Variants in TAOK1 observed in about 807,000 individuals in gnomAD.
TAOK1 encodes the protein serine/threonine-protein kinase TAO1.
Under a neutral mutation model 138.3 loss-of-function variants are expected in TAOK1, and 21 were observed. The ratio of observed to expected loss-of-function variants is 0.15; its 90% CI spans 0.11 to 0.22. The LOEUF (loss-of-function observed/expected upper bound fraction) is 0.22, where lower values mean the gene tolerates loss of function less well. Among genes scored for constraint, TAOK1 ranks in the 10% least tolerant of loss-of-function variants. The pLI is 1.00. For synonymous variants in TAOK1, 361 were observed against 398.4 expected, an observed-to-expected ratio of 0.91 and a Z score of 1.12; for missense variants, 651 against 1,227.7, an observed-to-expected ratio of 0.53 and a Z score of 7.02.
At chr17:29,406,331 C>T (rs1214226343) in intron 1 of TAOK1, among the ~76,000 whole-genome samples, 1 of 151,022 alleles carries the variant, frequency 6.6e-6, no homozygotes, top group African/African-American at 2.4e-5. Context: ...AGTAGTGACT[C>T]CTGAGGGAGT....
chr17:29,524,611 T>C (rs561374091), intron 17 of TAOK1, among the ~76,000 whole-genome samples: 1 of 152,368 alleles, frequency 6.6e-6, no homozygotes, highest in South Asian at 2.1e-4. Context: ...ATTTTCCTCA[T>C]ATTTAGGTGT....
intron 3 of TAOK1, among the ~76,000 whole-genome samples, chr17:29,470,302 T>C (rs2030783872): frequency 6.6e-6 from 1 of 152,214 alleles, no homozygotes; most frequent in Non-Finnish European, 1.5e-5. Context: ...TATTAGTGAA[T>C]AAGGCTCTTA....
intron 3 of TAOK1, among the ~76,000 whole-genome samples, chr17:29,472,819 G>T (rs932673342): frequency 2.0e-5 from 3 of 146,392 alleles, no homozygotes; most frequent in African/African-American, 7.6e-5. Context: ...CAGGTGATCC[G>T]CCCGCCTCGG....
intron 13 of TAOK1, among the ~76,000 whole-genome samples, chr17:29,504,226 G>A (rs1426799641): frequency 1.6e-5 from 2 of 128,558 alleles, no homozygotes; most frequent in South Asian, 2.6e-4. Context: ...GCAGTGAGCC[G>A]AGATCACGCC....
In TAOK1 at chr17:29,488,576, A is replaced by AATAAT. The variant is rs2031226559; in HGVS notation, c.656-1087_656-1086insTAATA. Among the ~76,000 whole-genome samples, 34 of 145,480 alleles carry AATAAT rather than the reference A, an allele frequency of 2.3e-4. 2 individuals carry two copies. The highest frequency in any genetic ancestry group is 1.6e-3 in the East Asian group (8 of 4,982). On this transcript the variant is annotated intron_variant, in intron 8 of 19. Transcript: ENST00000261716. The stretch of plus-strand genomic sequence containing the variant: ...AACAAGAGTGAAACCACATCTCAAA[A>AATAAT]AATAATAATAATAATAATAATAATA...
intron 12 of TAOK1, among the ~76,000 whole-genome samples, chr17:29,501,415 C>A (rs2031527056): frequency 1.5e-5 from 2 of 132,640 alleles, no homozygotes; most frequent in Admixed American, 1.6e-4. Context: ...AAAATGGAGA[C>A]CCTGTCTCAA....
intron 2 of TAOK1, among the ~76,000 whole-genome samples, chr17:29,460,514 A>G (rs2153025068): frequency 6.6e-6 from 1 of 152,312 alleles, no homozygotes; most frequent in South Asian, 2.1e-4. Flanking sequence ...TTTGACAAGT[A>G]TGACTGAAGT....
intron 1 of TAOK1, among the ~76,000 whole-genome samples, chr17:29,420,969 A>G (rs1026643426): frequency 6.6e-6 from 1 of 151,804 alleles, no homozygotes; most frequent in Non-Finnish European, 1.5e-5. Context: ...TCGCTCTGTC[A>G]TCTAGGCTGG....
At chr17:29,395,774 C>T (rs1234136920) in intron 1 of TAOK1, among the ~76,000 whole-genome samples, 1 of 149,340 alleles carries the variant, frequency 6.7e-6, no homozygotes, top group Non-Finnish European at 1.5e-5. Context: ...CTTCCCACAT[C>T]AACCTCCCAA....
intron 1 of TAOK1, among the ~76,000 whole-genome samples, chr17:29,424,354 G>A (rs994237074): frequency 7.7e-4 from 112 of 145,520 alleles, no homozygotes; most frequent in African/African-American, 2.6e-3. Flanking sequence ...GGAGAATAGC[G>A]TGAACCTGGG....
In TAOK1 at chr17:29,516,250, C is replaced by T. The variant is rs964186349; in HGVS notation, c.1705-1203C>T. Among the ~76,000 whole-genome samples the T allele has an allele frequency of 3.2e-4, 49 of 151,920 alleles. 1 individual carries two copies. The highest frequency in any genetic ancestry group is 1.1e-3 in the African/African-American group (44 of 41,442). The stretch of plus-strand genomic sequence containing the variant: ...TGCTGGGATTACAGGCGTGAGCCAC[C>T]GCGCCCAGCCAAGAACTTTTATTTA... On this transcript the variant is annotated intron_variant, in intron 15 of 19. Transcript: ENST00000261716.
At chr17:29,516,836 T>C (rs2031825450) in intron 15 of TAOK1, among the ~76,000 whole-genome samples, 1 of 151,812 alleles carries the variant, frequency 6.6e-6, no homozygotes, top group Admixed American at 6.6e-5. Context: ...TTGGTTTTTT[T>C]GTTTTGTTTT....
intron 1 of TAOK1, among the ~76,000 whole-genome samples, chr17:29,427,125 G>A (rs954107817): frequency 2.0e-5 from 3 of 152,190 alleles, no homozygotes; most frequent in Non-Finnish European, 4.4e-5. Flanking sequence ...AGCATTCCAA[G>A]TGGAGAGAAT....
intron 18 of TAOK1, among the ~76,000 whole-genome samples, chr17:29,532,338 T>C (rs2032131644): frequency 6.9e-6 from 1 of 145,600 alleles, no homozygotes; most frequent in African/African-American, 2.5e-5. Flanking sequence ...TAGGTTTTTC[T>C]TTTTTGTTTG....
intron 2 of TAOK1, among the ~76,000 whole-genome samples, chr17:29,465,510 T>A (rs985001195): frequency 8.6e-5 from 13 of 151,872 alleles, no homozygotes; most frequent in African/African-American, 2.9e-4. Context: ...CTGTCCTTTT[T>A]TTAAAAAAAA....
At chr17:29,443,572 G>A (rs2030001261) in intron 1 of TAOK1, among the ~76,000 whole-genome samples, 1 of 152,156 alleles carries the variant, frequency 6.6e-6, no homozygotes. Context: ...CCTAAAAAGT[G>A]CTAGGCTTCT....
At chr17:29,457,089 CTTTTT>C (rs548221652) in intron 2 of TAOK1, among the ~76,000 whole-genome samples, 1 of 107,408 alleles carries the variant, frequency 9.3e-6, no homozygotes, top group Non-Finnish European at 1.9e-5. Context: ...TTTTCTTTTT[CTTTTT>C]TTTTTTTTTT....
chr17:29,521,037 A>C (rs2031905811), intron 16 of TAOK1, among the ~76,000 whole-genome samples: 1 of 152,094 alleles, frequency 6.6e-6, no homozygotes, highest in Non-Finnish European at 1.5e-5. Flanking sequence ...AAAAAAAAAA[A>C]ATCTTTTATG....
intron 19 of TAOK1, among the ~76,000 whole-genome samples, chr17:29,541,905 C>T (rs1177685061): frequency 1.3e-5 from 2 of 151,654 alleles, no homozygotes; most frequent in African/African-American, 4.8e-5. Flanking sequence ...GACGGAGTCT[C>T]GCTCTGTCGC....
Sources: gnomAD v4.1 joint callset for allele counts (sites outside exome capture counted in the v4.1 genomes callset) on GRCh38, gnomAD v4.1.1 for gene constraint, MANE v1.5 for transcripts, NCBI Gene and HGNC (gene_info 2026-07-23, HGNC 2026-07-21) for gene names.